The following KIAA0825 variants were observed in gnomAD, a reference collection of about 807,000 sequenced individuals.
The protein encoded by KIAA0825 is KIAA0825.
Under a neutral mutation model 147.6 loss-of-function variants are expected in KIAA0825, and 119 were observed. That is an observed-to-expected ratio of 0.81 (90% CI 0.69 to 0.94). The LOEUF (loss-of-function observed/expected upper bound fraction) is 0.94, where lower values mean the gene tolerates loss of function less well. KIAA0825 is among the 40% of genes least tolerant of loss of function. The probability of loss-of-function intolerance (pLI) is 0.00; values close to 1 mark genes in which losing one functional copy is unlikely to be tolerated. For missense variants in KIAA0825, 1,381 were observed against 1,472.7 expected (o/e 0.94, Z 1.02); for synonymous variants, 470 against 518.1 (o/e 0.91, Z 1.26).
intron 20 of KIAA0825, 57 bp from the exon 21 acceptor site, chr5:94,154,181 T>C: frequency 9.5e-7 from 1 of 1,054,792 alleles, no homozygotes; most frequent in Non-Finnish European, 1.4e-6. Flanking sequence ...AGGTCAACAC[T>C]CAGTTAATCA....
intron 5 of KIAA0825, among the ~76,000 whole-genome samples, chr5:94,496,582 T>C (rs1764388118): frequency 6.6e-6 from 1 of 152,174 alleles, no homozygotes; most frequent in South Asian, 2.1e-4. Flanking sequence ...AATGTACCCA[T>C]ATCCTTCGAA....
chr5:94,392,656 G>A (rs1264024415), intron 17 of KIAA0825, among the ~76,000 whole-genome samples: 1 of 152,116 alleles, frequency 6.6e-6, no homozygotes, highest in Non-Finnish European at 1.5e-5. Flanking sequence ...GGTGTAATCA[G>A]CTGTATACTG....
At chr5:94,334,525 C>T (rs986825027) in intron 20 of KIAA0825, among the ~76,000 whole-genome samples, 56 of 152,170 alleles carry the variant, frequency 3.7e-4, no homozygotes, top group African/African-American at 1.3e-3. Context: ...TTCTGTTGCT[C>T]AGGCTGAATT....
chr5:94,485,236 G>A (rs58523486), intron 5 of KIAA0825, among the ~76,000 whole-genome samples: 13,511 of 149,026 alleles, frequency 0.091, 1,327 homozygotes, highest in African/African-American at 0.25. Context: ...TTTTTTTTTC[G>A]GTCTGGCATA....
intron 20 of KIAA0825, among the ~76,000 whole-genome samples, chr5:94,360,817 G>A (rs1426522426): frequency 6.6e-6 from 1 of 152,162 alleles, no homozygotes; most frequent in Non-Finnish European, 1.5e-5. Context: ...TCTTCCTATG[G>A]ACTAGCTATT....
chr5:94,196,329 A>C (rs1475243296), intron 20 of KIAA0825, among the ~76,000 whole-genome samples: 1 of 152,178 alleles, frequency 6.6e-6, no homozygotes, highest in East Asian at 1.9e-4. Context: ...CTTTTGGAGG[A>C]ATCCAACTAA....
intron 5 of KIAA0825, among the ~76,000 whole-genome samples, chr5:94,510,375 C>T (rs1766313926): frequency 6.6e-6 from 1 of 152,124 alleles, no homozygotes; most frequent in South Asian, 2.1e-4. Context: ...TCTTATTGTC[C>T]TGTTACAAAA....
At chr5:94,569,778 G>T in intron 2 of KIAA0825, 1 of 237,656 alleles carries the variant, frequency 4.2e-6, no homozygotes, top group Non-Finnish European at 8.0e-6. Flanking sequence ...TGAATCATCC[G>T]CTACCTCCAC....
At chr5:94,529,030 A>C (rs1769980785) in intron 3 of KIAA0825, among the ~76,000 whole-genome samples, 1 of 151,750 alleles carries the variant, frequency 6.6e-6, no homozygotes, top group African/African-American at 2.4e-5. Context: ...ATATGGAAAC[A>C]GATTAGGTCT....
chr5:94,510,205 A>C (rs1305037672), intron 5 of KIAA0825, among the ~76,000 whole-genome samples: 1 of 152,210 alleles, frequency 6.6e-6, no homozygotes, highest in Non-Finnish European at 1.5e-5. Flanking sequence ...AAACAGTATA[A>C]AGCCATTTAT....
intron 13 of KIAA0825, among the ~76,000 whole-genome samples, chr5:94,451,062 T>C (rs149339289): frequency 1.3e-5 from 2 of 152,258 alleles, no homozygotes; most frequent in East Asian, 3.9e-4. Context: ...AGTATGAGGT[T>C]TTAAAAAGAT....
intron 20 of KIAA0825, among the ~76,000 whole-genome samples, chr5:94,267,286 A>G (rs1776776419): frequency 6.6e-6 from 1 of 152,222 alleles, no homozygotes; most frequent in South Asian, 2.1e-4. Context: ...ACTGATGGTC[A>G]GGATTGTTGG....
chr5:94,371,175 C>T (rs950540802), intron 20 of KIAA0825, among the ~76,000 whole-genome samples: 2 of 151,692 alleles, frequency 1.3e-5, no homozygotes, highest in Admixed American at 1.3e-4. Context: ...TAAAAACATC[C>T]TGATTTAAAA....
rs548489990 is a variant in KIAA0825, at chr5:94,292,406, C to T, written c.3710+91962G>A. Among the ~76,000 whole-genome samples the T allele has an allele frequency of 1.8e-4, 27 of 152,186 alleles. No homozygotes were observed. In the East Asian group the frequency reaches 3.9e-3, roughly 22 times the overall value. On this transcript the variant is annotated intron_variant, in intron 20 of 20. Transcript: ENST00000682413. ...TTGGTTCTGTTTATGTGATGGATTACGTTTATTGATTTGTGTATGTCGAAC... is the reference window on the plus strand; with the variant it reads ...TTGGTTCTGTTTATGTGATGGATTATGTTTATTGATTTGTGTATGTCGAAC...
rs190677623 is a variant in KIAA0825 at position 94,419,545 on chromosome 5, C to T, written c.2498-2180G>A. Among the ~76,000 whole-genome samples, 23 of 152,220 alleles carry T rather than the reference C, an allele frequency of 1.5e-4. No individual in the cohort carries two copies. The South Asian group carries it at 2.5e-3, about 16-fold the overall frequency. ...TTATTTGCTTGTAAATGTGCCCTCC[C>T]ATCTCCTTTTCTTTTTCCATGCCAT... On this transcript the variant is annotated intron_variant, in intron 14 of 20. Transcript: ENST00000682413.
intron 1 of KIAA0825, among the ~76,000 whole-genome samples, chr5:94,585,466 G>T (rs1303273507): frequency 1.3e-5 from 2 of 152,112 alleles, no homozygotes; most frequent in East Asian, 3.8e-4. Context: ...ATGGTAAAGG[G>T]ATCAATTCAA....
intron 20 of KIAA0825, among the ~76,000 whole-genome samples, chr5:94,334,282 A>T (rs1781574761): frequency 6.6e-6 from 1 of 152,262 alleles, no homozygotes; most frequent in Non-Finnish European, 1.5e-5. Flanking sequence ...AAGATATGAA[A>T]GACATAAATA....
intron 1 of KIAA0825, among the ~76,000 whole-genome samples, chr5:94,587,741 A>T (rs1471381007): frequency 6.6e-6 from 1 of 152,212 alleles, no homozygotes; most frequent in Non-Finnish European, 1.5e-5. Context: ...TAGCCAAGAC[A>T]ATCCTTAGCA....
Position 94,469,945 on chromosome 5 carries a change from A to C in KIAA0825, c.1872+16T>G. On this transcript the variant is annotated intron_variant, in intron 10 of 20. Coordinates refer to ENST00000682413, the MANE Select transcript of KIAA0825 (RefSeq NM_001145678.3). ...TATTTGTGTAAAAAGGAGGGATAGT[A>C]AACTTAACTTCACACCTCATAAAAA... 1 of 1,533,352 alleles carries C rather than the reference A, an allele frequency of 6.5e-7. No homozygotes were observed. Among genetic ancestry groups the C allele is most frequent in the Non-Finnish European group, 8.8e-7 (1 of 1,136,628 alleles). 95.0% of individuals were successfully genotyped at this position (1,533,352 alleles called of 1,614,324 possible). A position where few individuals can be genotyped will look rare whatever the true frequency, so the allele number is the denominator to read the frequency against.
Sources: allele counts gnomAD v4.1 joint callset (sites outside exome capture counted in the v4.1 genomes callset), GRCh38; gene constraint gnomAD v4.1.1; transcripts MANE v1.5; gene names NCBI Gene and HGNC (gene_info 2026-07-23, HGNC 2026-07-21).